Variants in GLIS3 observed in about 807,000 individuals in gnomAD.
GLIS3 encodes the protein GLIS family zinc finger 3.
A neutral mutation model predicts 78.6 loss-of-function variants in GLIS3; 53 were observed. The observed-to-expected ratio is 0.67, with a 90% CI of 0.54 to 0.85. The LOEUF is 0.85. GLIS3 is among the 40% of genes least tolerant of loss of function. The pLI is 0.00. For synonymous variants in GLIS3, 684 were observed against 509.9 expected (o/e 1.34, Z -4.60); for missense variants, 1,703 against 1,231.1 (o/e 1.38, Z -5.74).
chr9:4,067,817 A>T (rs1243533060), intron 4 of GLIS3, among the ~76,000 whole-genome samples: 2 of 151,778 alleles, frequency 1.3e-5, no homozygotes, highest in Non-Finnish European at 2.9e-5. Flanking sequence ...AAAAAAATAT[A>T]TGGTTACCAG....
the GLIS3 span, among the ~76,000 whole-genome samples, chr9:4,486,009 G>C: frequency 6.6e-6 from 1 of 152,108 alleles, no homozygotes. Context: ...GGCGTGAGCC[G>C]CCGCACCTGG....
At chr9:4,424,600 G>C in the GLIS3 span, among the ~76,000 whole-genome samples, 3 of 152,170 alleles carry the variant, frequency 2.0e-5, no homozygotes, top group Non-Finnish European at 2.9e-5. Context: ...ATTTCGCTCT[G>C]TCATCCAGGC....
the GLIS3 span, among the ~76,000 whole-genome samples, chr9:4,428,149 G>A: frequency 6.6e-6 from 1 of 152,080 alleles, no homozygotes; most frequent in South Asian, 2.1e-4. Context: ...CTTAGGGAAA[G>A]GGAGCTACAT....
intron 2 of GLIS3, among the ~76,000 whole-genome samples, chr9:4,325,494 CA>C (rs1817585695): frequency 6.6e-6 from 1 of 152,208 alleles, no homozygotes; most frequent in South Asian, 2.1e-4. Context: ...CCACTTCCCT[CA>C]AAACCATCCC....
intron 4 of GLIS3, among the ~76,000 whole-genome samples, chr9:4,064,222 A>G (rs537335882): frequency 3.9e-5 from 6 of 152,360 alleles, no homozygotes; most frequent in African/African-American, 1.4e-4. Context: ...CTTGTATTAT[A>G]CAGTACATAA....
the GLIS3 span, among the ~76,000 whole-genome samples, chr9:4,428,573 T>G: frequency 5.9e-5 from 9 of 151,926 alleles, no homozygotes; most frequent in African/African-American, 2.2e-4. Context: ...TATGTGTGGT[T>G]TCAGAGGGCT....
At chr9:4,408,626 C>G in the GLIS3 span, among the ~76,000 whole-genome samples, 2 of 141,806 alleles carry the variant, frequency 1.4e-5, no homozygotes, top group Non-Finnish European at 3.0e-5. Context: ...ACTCGGGAGG[C>G]TGAGGCAGGA....
the GLIS3 span, among the ~76,000 whole-genome samples, chr9:4,486,723 C>T: frequency 4.6e-5 from 7 of 152,278 alleles, no homozygotes; most frequent in East Asian, 9.7e-4. Flanking sequence ...TGTAAGGCCT[C>T]TTGTCACCCA....
At chr9:4,017,223 T>A (rs879348212) in intron 4 of GLIS3, among the ~76,000 whole-genome samples, 12 of 152,136 alleles carry the variant, frequency 7.9e-5, no homozygotes, top group Non-Finnish European at 1.0e-4. Flanking sequence ...TTTTCTTAGG[T>A]GAAGAGAGAT....
chr9:4,268,058 C>G (rs1587233760), intron 2 of GLIS3, among the ~76,000 whole-genome samples: 2 of 152,038 alleles, frequency 1.3e-5, no homozygotes, highest in African/African-American at 2.4e-5. Context: ...CGTGCGCACA[C>G]ACACACACAC....
chr9:4,163,093 T>G (rs989922410), intron 2 of GLIS3, among the ~76,000 whole-genome samples: 109 of 152,164 alleles, frequency 7.2e-4, no homozygotes, highest in African/African-American at 2.6e-3. Context: ...ATACATCACC[T>G]CCACTAGAAA....
chr9:4,489,014 G>A, the GLIS3 span, among the ~76,000 whole-genome samples: 1 of 151,984 alleles, frequency 6.6e-6, no homozygotes, highest in Non-Finnish European at 1.5e-5. Flanking sequence ...CTACAGGCAC[G>A]TGCCACCACG....
chr9:4,349,824 G>A (rs897129620), upstream of GLIS3, among the ~76,000 whole-genome samples: 1 of 152,210 alleles, frequency 6.6e-6, no homozygotes, highest in Non-Finnish European at 1.5e-5. Flanking sequence ...AAGAAATGAA[G>A]TCATGAAGCC....
At chr9:4,208,722 T>G (rs977801567) in intron 2 of GLIS3, among the ~76,000 whole-genome samples, 16 of 152,180 alleles carry the variant, frequency 1.1e-4, no homozygotes, top group African/African-American at 3.9e-4. Context: ...AGAGTCTAAC[T>G]CTGTGTGACA....
chr9:3,914,991 ATGTCTTAGAGCAATGC>A (rs1824407405), intron 6 of GLIS3, among the ~76,000 whole-genome samples: 1 of 286 alleles, frequency 3.5e-3, no homozygotes, highest in African/African-American at 0.01. Flanking sequence ...TGAGCACTGT[ATGTCTTAGAGCAATGC>A]ATGTCTTAGA....
chr9:3,929,202 G>C (rs912488418), intron 6 of GLIS3, among the ~76,000 whole-genome samples: 8 of 152,182 alleles, frequency 5.3e-5, no homozygotes, highest in African/African-American at 1.9e-4. Flanking sequence ...ATGGACTCGA[G>C]ATCTGCAAAG....
intron 2 of GLIS3, among the ~76,000 whole-genome samples, chr9:4,246,513 T>C (rs1823817241): frequency 6.6e-6 from 1 of 152,234 alleles, no homozygotes; most frequent in Non-Finnish European, 1.5e-5. Flanking sequence ...ACATCTGCAG[T>C]TGTTTCAGGA....
intron 4 of GLIS3, among the ~76,000 whole-genome samples, chr9:3,952,630 T>TA (rs1286498979): frequency 2.0e-5 from 3 of 152,172 alleles, no homozygotes; most frequent in Admixed American, 1.3e-4. Context: ...TGATGAATAA[T>TA]AATGGGTCAG....
At chr9:3,898,542 A>T in intron 7 of GLIS3, 149 bp downstream of exon 7, 1 of 822,870 alleles carries the variant, frequency 1.2e-6, no homozygotes, top group South Asian at 1.4e-5. Flanking sequence ...CTCAGGAATC[A>T]GAAGGGGTGG....
Sources: gnomAD v4.1 joint callset for allele counts (sites outside exome capture counted in the v4.1 genomes callset) on GRCh38, gnomAD v4.1.1 for gene constraint, MANE v1.5 for transcripts, NCBI Gene and HGNC (gene_info 2026-07-23, HGNC 2026-07-21) for gene names.